Variants in B4GALT5 observed in about 807,000 individuals in gnomAD.
B4GALT5 encodes the protein beta-1,4-galactosyltransferase 5, also known as UDP-Gal:beta-GlcNAc beta-1,4-galactosyltransferase 5.
In B4GALT5, 11 loss-of-function variants were observed where a neutral mutation model predicts 45.0. The observed-to-expected ratio is 0.24, with a 90% confidence interval of 0.15 to 0.40. The LOEUF is 0.40. Ranked by LOEUF, B4GALT5 falls within the 10% of genes least tolerant of loss-of-function variation. The pLI, the probability that B4GALT5 is intolerant of heterozygous loss-of-function variation, is 1.00. For synonymous variants in B4GALT5, 185 were observed against 182.9 expected, an observed-to-expected ratio of 1.01 and a Z score of -0.09; for missense variants, 337 against 500.2, an observed-to-expected ratio of 0.67 and a Z score of 3.11.
chr20:49,675,927 G>A (rs1463471340), intron 1 of B4GALT5, among the ~76,000 whole-genome samples: 4 of 152,050 alleles, frequency 2.6e-5, no homozygotes, highest in Non-Finnish European at 5.9e-5. Context: ...CAGCTGGGTC[G>A]CTGCACTATG....
intron 6 of B4GALT5, 63 bp from the exon 7 acceptor site, chr20:49,639,863 G>T (rs2085568643): frequency 1.3e-6 from 2 of 1,584,718 alleles, no homozygotes; most frequent in Non-Finnish European, 1.7e-6. Flanking sequence ...TCCCTAGAAG[G>T]TTCTCATTTG....
At chr20:49,683,845 A>G (rs1209449043) in intron 1 of B4GALT5, among the ~76,000 whole-genome samples, 1 of 152,168 alleles carries the variant, frequency 6.6e-6, no homozygotes, top group Non-Finnish European at 1.5e-5. Context: ...AAAACATTTA[A>G]GAATAAAGAC....
At chr20:49,639,540 T>A (rs1164664231) in intron 7 of B4GALT5, 138 bp downstream of exon 7, 1 of 1,338,466 alleles carries the variant, frequency 7.5e-7, no homozygotes, top group African/African-American at 1.5e-5. Context: ...ATTTCATTTT[T>A]TTCCTTAACC....
intron 1 of B4GALT5, among the ~76,000 whole-genome samples, chr20:49,658,765 G>C (rs2085653270): frequency 6.6e-6 from 1 of 152,162 alleles, no homozygotes; most frequent in Admixed American, 6.5e-5. Flanking sequence ...TCTGGTCTGA[G>C]TGGGGCCCAT....
chr20:49,644,355 G>T (rs1473843329), intron 3 of B4GALT5, among the ~76,000 whole-genome samples: 2 of 152,048 alleles, frequency 1.3e-5, no homozygotes, highest in African/African-American at 4.8e-5. Context: ...CAAAGTGCTG[G>T]GATTATAGCT....
intron 6 of B4GALT5, among the ~76,000 whole-genome samples, 197 bp from the exon 7 acceptor site, chr20:49,639,997 C>T (rs540455242): frequency 4.6e-5 from 7 of 152,302 alleles, no homozygotes; most frequent in African/African-American, 9.6e-5. Flanking sequence ...CATACCCATA[C>T]ACAATTGGCC....
In B4GALT5 at chr20:49,638,686, TA is replaced by T. The variant is rs2085563895; in HGVS notation, c.917+991del. Among the ~76,000 whole-genome samples the T allele has an allele frequency of 1.3e-5, 2 of 151,944 alleles. 1 individual carries two copies. On this transcript the variant is annotated intron_variant, in intron 7 of 8. Transcript: ENST00000371711. ...AGGGGCACTTAGTTATAATATGCCT[TA>T]AAAACCCTATTTGCATCCATTAAAG...
chr20:49,710,924 G>GT (rs1568738244), intron 1 of B4GALT5, among the ~76,000 whole-genome samples: 1 of 151,848 alleles, frequency 6.6e-6, no homozygotes, highest in African/African-American at 2.4e-5. Flanking sequence ...ACAAAAAACT[G>GT]TTTTAAAAGT....
chr20:49,682,355 C>T (rs902688086), intron 1 of B4GALT5, among the ~76,000 whole-genome samples: 16 of 152,090 alleles, frequency 1.1e-4, no homozygotes, highest in Non-Finnish European at 2.2e-4. Flanking sequence ...ACATCTGGCC[C>T]TTCGCAGAGC....
intron 1 of B4GALT5, among the ~76,000 whole-genome samples, chr20:49,709,942 C>T (rs867399513): frequency 2.6e-5 from 4 of 152,308 alleles, no homozygotes; most frequent in South Asian, 2.1e-4. Context: ...CCCCATTTCA[C>T]GGATGACTCT....
chr20:49,688,085 C>A (rs553150190), intron 1 of B4GALT5, among the ~76,000 whole-genome samples: 1 of 152,170 alleles, frequency 6.6e-6, no homozygotes, highest in East Asian at 1.9e-4. Flanking sequence ...GGAACATGAC[C>A]AGAGCCACTA....
intron 1 of B4GALT5, among the ~76,000 whole-genome samples, chr20:49,683,578 A>C (rs1182543813): frequency 1.3e-5 from 2 of 151,414 alleles, no homozygotes; most frequent in African/African-American, 4.9e-5. Flanking sequence ...ATTTTTGTAG[A>C]GATGTCGGTT....
chr20:49,687,331 T>C (rs2085790438), intron 1 of B4GALT5, among the ~76,000 whole-genome samples: 1 of 152,222 alleles, frequency 6.6e-6, no homozygotes. Flanking sequence ...TAAGTTTATA[T>C]TTGCTGGTTC....
chr20:49,639,647 C>G (rs1414222798), intron 7 of B4GALT5, 31 bp downstream of exon 7: 2 of 1,610,998 alleles, frequency 1.2e-6, no homozygotes, highest in South Asian at 2.2e-5. Context: ...GGTAGCATTT[C>G]TAGAAGACAC....
intron 1 of B4GALT5, among the ~76,000 whole-genome samples, chr20:49,688,640 G>A (rs2085796755): frequency 6.6e-6 from 1 of 152,062 alleles, no homozygotes; most frequent in Non-Finnish European, 1.5e-5. Flanking sequence ...CAAAAGATAG[G>A]ACAAAATGAG....
intron 1 of B4GALT5, among the ~76,000 whole-genome samples, chr20:49,704,728 A>C (rs1256013081): frequency 1.3e-5 from 2 of 149,854 alleles, no homozygotes; most frequent in East Asian, 1.9e-4. Context: ...CAAAAAAAAA[A>C]CAAAAAAAAA....
chr20:49,636,348 G>A lies in B4GALT5; in HGVS notation c.1131C>T (p.Asn377=). The A allele has an allele frequency of 6.2e-7, 1 of 1,614,150 alleles. No individual in the cohort carries two copies. The highest frequency in any genetic ancestry group is 8.5e-7 in the Non-Finnish European group (1 of 1,180,020). The part of the protein sequence containing the change: ...YDALYKNITV[N]LTPELAQVNE... Reference sequence around the variant, plus strand: ...TCACCTGAGCCAGCTCGGGTGTCAGGTTGACAGTTATGTTTTTATACAAGG... The same window carrying A: ...TCACCTGAGCCAGCTCGGGTGTCAGATTGACAGTTATGTTTTTATACAAGG... The change falls in exon 9 of 9, where the codon AAC becomes AAT. Residue 377 remains asparagine, a synonymous_variant. Coordinates refer to ENST00000371711, the MANE Select transcript of B4GALT5 (RefSeq NM_004776.4).
chr20:49,703,935 C>T (rs1271444122), intron 1 of B4GALT5, among the ~76,000 whole-genome samples: 1 of 151,788 alleles, frequency 6.6e-6, no homozygotes, highest in Non-Finnish European at 1.5e-5. Context: ...ATCATGAATC[C>T]TAAAGTCAGT....
chr20:49,703,665 G>C (rs2085871934), intron 1 of B4GALT5, among the ~76,000 whole-genome samples: 1 of 151,468 alleles, frequency 6.6e-6, no homozygotes, highest in Non-Finnish European at 1.5e-5. Flanking sequence ...AAGGCAGGTG[G>C]ATCACCTGAG....
Sources: allele counts gnomAD v4.1 joint callset (sites outside exome capture counted in the v4.1 genomes callset), GRCh38; gene constraint gnomAD v4.1.1; transcripts MANE v1.5; gene names NCBI Gene and HGNC (gene_info 2026-07-23, HGNC 2026-07-21).